The following WDTC1 variants were observed in gnomAD, a reference collection of about 807,000 sequenced individuals.
The protein encoded by WDTC1 is WD and tetratricopeptide repeats 1.
Under a neutral mutation model 76.0 loss-of-function variants are expected in WDTC1, and 12 were observed. The observed-to-expected ratio is 0.16, with a 90% CI of 0.10 to 0.26. The LOEUF is 0.26. Ranked by LOEUF, WDTC1 falls within the 10% of genes least tolerant of loss-of-function variation. The pLI is 1.00. For synonymous variants in WDTC1, 326 were observed against 350.8 expected (o/e 0.93, Z 0.79); for missense variants, 511 against 908.8 (o/e 0.56, Z 5.63).
chr1:27,251,629 A>G (rs984560613), intron 1 of WDTC1, among the ~76,000 whole-genome samples: 9 of 151,934 alleles, frequency 5.9e-5, no homozygotes, highest in African/African-American at 2.2e-4. Flanking sequence ...GTCAAGACCA[A>G]CCTGGGCAAC....
chr1:27,255,428 GACAGTAAGAGCATCTACCCT>G (rs2012243164), intron 1 of WDTC1: 1 of 152,118 alleles, frequency 6.6e-6, no homozygotes, highest in Non-Finnish European at 1.5e-5. Flanking sequence ...GTAAAATTAT[GACAGTAAGAGCATCTACCCT>G]ACAAGCTTTT....
At chr1:27,246,114 C>T (rs1320146039) in intron 1 of WDTC1, among the ~76,000 whole-genome samples, 2 of 152,094 alleles carry the variant, frequency 1.3e-5, no homozygotes, top group African/African-American at 4.8e-5. Flanking sequence ...ATAAAATAGA[C>T]AGTCTCTTAA....
chr1:27,298,165 G>T, intron 12 of WDTC1, 54 bp downstream of exon 12: 1 of 1,502,168 alleles, frequency 6.7e-7, no homozygotes, highest in South Asian at 1.3e-5. Context: ...AAAGCAGCTG[G>T]ACCAAAAGGC....
chr1:27,266,306 G>T (rs2147938816), intron 3 of WDTC1, among the ~76,000 whole-genome samples: 1 of 152,244 alleles, frequency 6.6e-6, no homozygotes. Flanking sequence ...GCTTGAATGT[G>T]TTGATTTTTA....
At chr1:27,263,039 G>A in intron 2 of WDTC1, 113 bp from the exon 3 acceptor site, 1 of 1,087,744 alleles carries the variant, frequency 9.2e-7, no homozygotes, top group Non-Finnish European at 1.3e-6. Flanking sequence ...CCAGTTCCTT[G>A]TTGTCTTCTT....
At chr1:27,286,674 G>A (rs1479449911) in intron 5 of WDTC1, among the ~76,000 whole-genome samples, 1 of 151,330 alleles carries the variant, frequency 6.6e-6, no homozygotes, top group African/African-American at 2.4e-5. Context: ...GTGTTAGCCA[G>A]GATGGTCTGG....
chr1:27,298,763 C>A (rs777984182), intron 12 of WDTC1, among the ~76,000 whole-genome samples: 5 of 151,144 alleles, frequency 3.3e-5, no homozygotes, highest in African/African-American at 1.2e-4. Context: ...CCCGCCCCCC[C>A]ATCCCCCAGC....
chr1:27,287,599 G>A, intron 5 of WDTC1, 75 bp from the exon 6 acceptor site: 1 of 1,475,734 alleles, frequency 6.8e-7, no homozygotes, highest in Non-Finnish European at 9.2e-7. Context: ...AAAGGGTGCA[G>A]ACATCCAGGC....
chr1:27,299,480 A>G (rs903345596), intron 12 of WDTC1, among the ~76,000 whole-genome samples: 1 of 151,040 alleles, frequency 6.6e-6, no homozygotes. Flanking sequence ...CAGGAGATGA[A>G]GGAGAGGAGG....
intron 3 of WDTC1, among the ~76,000 whole-genome samples, chr1:27,273,443 C>T (rs964413761): frequency 3.3e-5 from 5 of 152,056 alleles, no homozygotes; most frequent in Admixed American, 6.5e-5. Flanking sequence ...CTCCTGACCT[C>T]GTGATCTGCC....
At chr1:27,258,529 C>CAAAAAAAA (rs113977595) in intron 1 of WDTC1, among the ~76,000 whole-genome samples, 1 of 122,100 alleles carries the variant, frequency 8.2e-6, no homozygotes, top group Non-Finnish European at 1.6e-5. Context: ...AAGACTCTGC[C>CAAAAAAAA]AAAAAAAAAA....
chr1:27,279,497 T>C (rs933628636), intron 3 of WDTC1, among the ~76,000 whole-genome samples: 2 of 152,218 alleles, frequency 1.3e-5, no homozygotes, highest in African/African-American at 4.8e-5. Flanking sequence ...TCATGACTTT[T>C]AGGAGGATTT....
chr1:27,306,873 A>T lies in WDTC1; in HGVS notation c.*490A>T, dbSNP rs570992543. Reference sequence around the variant, plus strand: ...TCTTCAGGAAAGGTTTTGAAAAAGGATGGGTCCCACCCTCCCTCCAGAGCC... The same window carrying T: ...TCTTCAGGAAAGGTTTTGAAAAAGGTTGGGTCCCACCCTCCCTCCAGAGCC... On this transcript the variant is annotated 3_prime_UTR_variant, in exon 16 of 16. Coordinates refer to ENST00000319394, the MANE Select transcript of WDTC1 (RefSeq NM_001276252.2). The surrounding 1 kb of genome is among the most constrained non-coding windows in gnomAD (Gnocchi z 5.0). 2 of 167,894 alleles carry T rather than the reference A, an allele frequency of 1.2e-5. No individual in the cohort carries two copies. The highest frequency in any genetic ancestry group is 3.3e-4 in the East Asian group (2 of 6,020). The allele number at this position is 167,894 out of a possible 1,614,324, so 10.4% of individuals were successfully genotyped here. A position where few individuals can be genotyped will look rare whatever the true frequency, so the allele number is the denominator to read the frequency against.
chr1:27,289,327 G>T (rs1175899067), intron 6 of WDTC1, among the ~76,000 whole-genome samples: 7 of 148,398 alleles, frequency 4.7e-5, no homozygotes, highest in African/African-American at 1.8e-4. Flanking sequence ...CAGGCAGAGG[G>T]TCTCCTCACT....
intron 1 of WDTC1, among the ~76,000 whole-genome samples, chr1:27,258,545 A>C (rs1394309925): frequency 3.2e-5 from 4 of 124,694 alleles, no homozygotes; most frequent in African/African-American, 1.1e-4. Context: ...AAAAAAAGAA[A>C]AAAAAAGAAA....
intron 8 of WDTC1, 67 bp from the exon 9 acceptor site, chr1:27,294,447 C>G: frequency 7.0e-7 from 1 of 1,422,838 alleles, no homozygotes; most frequent in Non-Finnish European, 9.9e-7. Flanking sequence ...ATATGACTGA[C>G]TTCACACAAT....
intron 3 of WDTC1, among the ~76,000 whole-genome samples, chr1:27,264,095 C>G (rs2012578450): frequency 6.6e-6 from 1 of 151,738 alleles, no homozygotes; most frequent in Non-Finnish European, 1.5e-5. Flanking sequence ...TTGAGACCAG[C>G]CTGGCCAACA....
intron 1 of WDTC1, among the ~76,000 whole-genome samples, chr1:27,251,232 A>G (rs2012049222): frequency 6.6e-6 from 1 of 150,944 alleles, no homozygotes; most frequent in African/African-American, 2.4e-5. Flanking sequence ...AATCATAGAG[A>G]TAGGCTTATA....
rs1380301128 is a variant in WDTC1 at position 27,301,207 on chromosome 1, C to T, written c.1233-19C>T. 6.2e-7 allele frequency: 1 copy of T among 1,610,342 alleles called. No homozygotes were observed. The highest frequency in any genetic ancestry group is 2.2e-5 in the East Asian group (1 of 44,818). On this transcript the variant is annotated intron_variant, in intron 12 of 15. Coordinates refer to ENST00000319394, the MANE Select transcript of WDTC1 (RefSeq NM_001276252.2). This position sits in a 1 kb window ranked among gnomAD's most constrained non-coding sequence, Gnocchi z 5.8. ...GCCACGTGGCTCCACCTCCAAGCCG[C>T]TCTTCCCTGCCTTCCCAGGGATGGT...
Sources: allele counts gnomAD v4.1 joint callset (sites outside exome capture counted in the v4.1 genomes callset), GRCh38; gene constraint gnomAD v4.1.1; non-coding constraint Gnocchi (gnomAD v3.1); transcripts MANE v1.5; gene names NCBI Gene and HGNC (gene_info 2026-07-23, HGNC 2026-07-21).